NRXN1: variants seen among roughly 807,000 people sequenced by gnomAD.
NRXN1 encodes neurexin-1.
A neutral mutation model predicts 150.9 loss-of-function variants in NRXN1; 39 were observed. The ratio of observed to expected loss-of-function variants is 0.26; its 90% CI spans 0.20 to 0.34. The LOEUF is 0.34. Among genes scored for constraint, NRXN1 ranks in the 10% least tolerant of loss-of-function variants. NRXN1 has a pLI of 1.00. For missense variants in NRXN1, 1,815 were observed against 1,949.9 expected (o/e 0.93, Z 1.30); for synonymous variants, 924 against 757.0 (o/e 1.22, Z -3.62).
chr2:50,519,528 C>T (rs1573372017), intron 12 of NRXN1, among the ~76,000 whole-genome samples: 2 of 152,062 alleles, frequency 1.3e-5, no homozygotes, highest in East Asian at 3.9e-4. Flanking sequence ...GCCAAATTAA[C>T]TTGGTTTATC....
chr2:50,373,701 AAGAAAGAAAGAGAAAGAAAGACAGAC>A (rs2080270941), intron 17 of NRXN1, among the ~76,000 whole-genome samples: 2 of 137,916 alleles, frequency 1.5e-5, no homozygotes. Flanking sequence ...GAAAGAAAGA[AAGAAAGAAAGAGAAAGAAAGACAGAC>A]AGACTAGTCA....
chr2:50,219,605 G>A (rs1437026727), intron 18 of NRXN1, among the ~76,000 whole-genome samples: 1 of 151,430 alleles, frequency 6.6e-6, no homozygotes, highest in Non-Finnish European at 1.5e-5. Flanking sequence ...GATATTCTTA[G>A]GTCAAATACA....
chr2:50,535,270 C>A, intron 10 of NRXN1, among the ~76,000 whole-genome samples: 1 of 152,312 alleles, frequency 6.6e-6, no homozygotes, highest in Non-Finnish European at 1.5e-5. Context: ...AAGGCTAATT[C>A]CAATACAATA....
At chr2:50,876,477 C>T (rs974303860) in intron 5 of NRXN1, among the ~76,000 whole-genome samples, 2 of 151,784 alleles carry the variant, frequency 1.3e-5, no homozygotes, top group Non-Finnish European at 1.5e-5. Flanking sequence ...GTACTACACA[C>T]TAGGAAAGCG....
intron 5 of NRXN1, among the ~76,000 whole-genome samples, chr2:50,716,651 A>G (rs951258941): frequency 6.6e-6 from 1 of 152,172 alleles, no homozygotes; most frequent in African/African-American, 2.4e-5. Flanking sequence ...TTCCATCTAC[A>G]TATAAATATA....
intron 5 of NRXN1, among the ~76,000 whole-genome samples, chr2:50,763,925 TC>T (rs1559227707): frequency 6.6e-6 from 1 of 151,846 alleles, no homozygotes; most frequent in Non-Finnish European, 1.5e-5. Context: ...TCCTACTTTC[TC>T]CTCCAATGAC....
intron 17 of NRXN1, among the ~76,000 whole-genome samples, chr2:50,303,671 A>C (rs1430561264): frequency 2.0e-5 from 3 of 152,202 alleles, no homozygotes; most frequent in African/African-American, 7.2e-5. Context: ...AATACACCAC[A>C]AAAAATTACA....
At chr2:49,942,620 A>G (rs545159637) in intron 22 of NRXN1, among the ~76,000 whole-genome samples, 1 of 151,128 alleles carries the variant, frequency 6.6e-6, no homozygotes, top group East Asian at 1.9e-4. Flanking sequence ...TTATTTTATT[A>G]TTATTTTGAG....
At chr2:50,486,485 T>C (rs2090883463) in intron 15 of NRXN1, among the ~76,000 whole-genome samples, 1 of 152,180 alleles carries the variant, frequency 6.6e-6, no homozygotes, top group Non-Finnish European at 1.5e-5. Context: ...ACAAAAAATA[T>C]CGGGAACTAC....
At chr2:50,309,895 A>C (rs745952638) in intron 17 of NRXN1, among the ~76,000 whole-genome samples, 1 of 152,330 alleles carries the variant, frequency 6.6e-6, no homozygotes, top group Non-Finnish European at 1.5e-5. Flanking sequence ...AGGTTCCTGC[A>C]AATAGACTCA....
At chr2:50,298,758 A>C (rs2073871206) in intron 17 of NRXN1, among the ~76,000 whole-genome samples, 1 of 152,178 alleles carries the variant, frequency 6.6e-6, no homozygotes, top group Admixed American at 6.5e-5. Flanking sequence ...TATTCTACAC[A>C]TAATGTTTGT....
chr2:50,959,252 G>C (rs137907527), intron 2 of NRXN1, among the ~76,000 whole-genome samples: 1 of 152,048 alleles, frequency 6.6e-6, no homozygotes, highest in Admixed American at 6.6e-5. Context: ...TGATTCCACT[G>C]TCATATACAT....
intron 18 of NRXN1, 90 bp from the exon 19 acceptor site, chr2:50,091,584 G>T: frequency 7.3e-7 from 1 of 1,365,970 alleles, no homozygotes; most frequent in Non-Finnish European, 1.0e-6. Context: ...TTTAAAATGT[G>T]CTTTGGACAA....
chr2:49,934,369 C>A (rs1670646229), intron 22 of NRXN1, among the ~76,000 whole-genome samples: 1 of 152,152 alleles, frequency 6.6e-6, no homozygotes, highest in Admixed American at 6.5e-5. Flanking sequence ...GGTGCACCCA[C>A]CCCTCCACCA....
chr2:50,764,115 C>T (rs1000465192), intron 5 of NRXN1, among the ~76,000 whole-genome samples: 1 of 151,462 alleles, frequency 6.6e-6, no homozygotes, highest in Admixed American at 6.6e-5. Flanking sequence ...TTCTACTGGC[C>T]GGGAAGACAT....
chr2:50,032,675 A>C (rs1689357196), intron 21 of NRXN1, among the ~76,000 whole-genome samples: 2 of 151,908 alleles, frequency 1.3e-5, no homozygotes, highest in African/African-American at 4.8e-5. Context: ...AGTTCAATGG[A>C]ATTATAAAGG....
intron 21 of NRXN1, among the ~76,000 whole-genome samples, chr2:49,978,435 A>C (rs908443525): frequency 2.6e-5 from 4 of 152,076 alleles, no homozygotes; most frequent in Non-Finnish European, 4.4e-5. Flanking sequence ...TCCATAGATA[A>C]GGTTTCTGAA....
At chr2:49,993,785 A>T (rs1291654160) in intron 21 of NRXN1, among the ~76,000 whole-genome samples, 1 of 152,240 alleles carries the variant, frequency 6.6e-6, no homozygotes, top group Non-Finnish European at 1.5e-5. Context: ...ATTGCTCATC[A>T]TAGCAGATAA....
intron 17 of NRXN1, among the ~76,000 whole-genome samples, chr2:50,452,290 G>A (rs895161631): frequency 6.6e-6 from 1 of 152,182 alleles, no homozygotes; most frequent in Non-Finnish European, 1.5e-5. Context: ...CTGTGGCTGA[G>A]CTGTAGGCTG....
Sources: allele counts gnomAD v4.1 joint callset (sites outside exome capture counted in the v4.1 genomes callset), GRCh38; gene constraint gnomAD v4.1.1; transcripts MANE v1.5; gene names NCBI Gene and HGNC (gene_info 2026-07-23, HGNC 2026-07-21).